The following SLC37A1 variants were observed in gnomAD, a reference collection of about 807,000 sequenced individuals.
SLC37A1 encodes the protein solute carrier family 37 member 1.
Under a neutral mutation model 75.3 loss-of-function variants are expected in SLC37A1, and 49 were observed. The ratio of observed to expected loss-of-function variants is 0.65; its 90% CI spans 0.52 to 0.83. The LOEUF is 0.83. Ranked by LOEUF, SLC37A1 falls within the 40% of genes least tolerant of loss-of-function variation. The pLI is 0.00. For missense variants in SLC37A1, 566 were observed against 695.0 expected (o/e 0.81, Z 2.09); for synonymous variants, 268 against 292.1 (o/e 0.92, Z 0.84).
chr21:42,527,986 A>G (rs914774266), intron 3 of SLC37A1, among the ~76,000 whole-genome samples: 2 of 152,212 alleles, frequency 1.3e-5, no homozygotes, highest in Non-Finnish European at 1.5e-5. Context: ...TTGACCCACA[A>G]AACAGTTGAG....
At chr21:42,540,391 A>G (rs1026392056) in intron 6 of SLC37A1, among the ~76,000 whole-genome samples, 1 of 152,142 alleles carries the variant, frequency 6.6e-6, no homozygotes, top group African/African-American at 2.4e-5. Context: ...TACAAAGGAA[A>G]ACCTGCAGCT....
At chr21:42,579,255 C>T (rs2056367567) in intron 18 of SLC37A1, among the ~76,000 whole-genome samples, 1 of 152,218 alleles carries the variant, frequency 6.6e-6, no homozygotes, top group African/African-American at 2.4e-5. Flanking sequence ...TGTCCTGTGA[C>T]AGCCTCTTCA....
At position 42,545,741 on chromosome 21, in the gene SLC37A1, C is replaced by T. The variant is rs1260356188; in HGVS notation, c.731-1362C>T. 6.6e-6 allele frequency among the ~76,000 whole-genome samples: 1 copy of T among 152,234 alleles called. No individual in the cohort carries two copies. Among genetic ancestry groups the T allele is most frequent in the East Asian group, 1.9e-4 (1 of 5,194 alleles). Reference sequence around the variant, plus strand: ...AGTGGATACCGATGGGGTGAGTTGGCTGATGTCCTTTAAATTGGTGACCAT... The same window carrying T: ...AGTGGATACCGATGGGGTGAGTTGGTTGATGTCCTTTAAATTGGTGACCAT... On this transcript the variant is annotated intron_variant, in intron 8 of 19. Transcript: ENST00000352133. This position sits in a 1 kb window ranked among gnomAD's most constrained non-coding sequence, Gnocchi z 4.0.
upstream of SLC37A1, among the ~76,000 whole-genome samples, chr21:42,512,931 G>A (rs961743501): frequency 3.9e-5 from 6 of 152,262 alleles, no homozygotes; most frequent in Admixed American, 3.9e-4. Flanking sequence ...TCTCCAGAGG[G>A]AAGCTCAACG....
At chr21:42,504,536 G>C (rs1490008428) in intron 2 of SLC37A1, among the ~76,000 whole-genome samples, 1 of 152,074 alleles carries the variant, frequency 6.6e-6, no homozygotes. Context: ...TTACAATGTA[G>C]TAGAAAAAGT....
intron 16 of SLC37A1, among the ~76,000 whole-genome samples, chr21:42,567,296 G>A (rs1221414089): frequency 6.6e-6 from 1 of 152,232 alleles, no homozygotes; most frequent in Non-Finnish European, 1.5e-5. Flanking sequence ...GCTCTTGGGC[G>A]CCATCCTCAT....
chr21:42,533,272 C>T (rs1346668331), intron 3 of SLC37A1, among the ~76,000 whole-genome samples: 1 of 152,110 alleles, frequency 6.6e-6, no homozygotes, highest in African/African-American at 2.4e-5. Flanking sequence ...AATGGGCACT[C>T]GATCCCCCTA....
chr21:42,573,213 G>A (rs547538318), intron 17 of SLC37A1, among the ~76,000 whole-genome samples: 2 of 152,352 alleles, frequency 1.3e-5, no homozygotes, highest in South Asian at 4.1e-4. Context: ...GATGAGAAAA[G>A]AGACCTGGGA....
chr21:42,504,222 C>T (rs1354154491), intron 2 of SLC37A1, among the ~76,000 whole-genome samples: 2 of 152,044 alleles, frequency 1.3e-5, no homozygotes, highest in African/African-American at 4.8e-5. Flanking sequence ...AGAAGGGCAC[C>T]AGGCTTTAGG....
chr21:42,543,592 C>A lies in SLC37A1; in HGVS notation c.720C>A (p.Phe240Leu), dbSNP rs749797865. 1.9e-6 allele frequency: 3 copies of A among 1,601,896 alleles called. No individual in the cohort carries two copies. In the South Asian group the frequency reaches 3.3e-5, roughly 18 times the overall value. Residue 240 changes from phenylalanine (F) to leucine (L), a missense_variant, in exon 8 of 20, where the codon TTC becomes TTA. By Grantham distance (22) the Phe-to-Leu change is conservative. Coordinates refer to ENST00000352133, the MANE Select transcript of SLC37A1 (RefSeq NM_001320537.2). ...VAAMGIVCFLFLIEHPNDVRC... is the reference protein window; with the variant it reads ...VAAMGIVCFLLLIEHPNDVRC... The stretch of plus-strand genomic sequence containing the variant: ...CCATGGGGATAGTGTGCTTTCTCTT[C>A]CTCATTGAACGTAAGTGCACGTGGC...
At position 42,570,139 on chromosome 21, in the gene SLC37A1, C is replaced by T. The variant is rs1048736622; in HGVS notation, c.1423+1701C>T. ...AGGGTGGCTGTTGCCATGTGACACACGGCCTGGTTCTGAGAAGCGGCGGGC... is the reference window on the plus strand; with the variant it reads ...AGGGTGGCTGTTGCCATGTGACACATGGCCTGGTTCTGAGAAGCGGCGGGC... On this transcript the variant is annotated intron_variant, in intron 17 of 19. Coordinates refer to ENST00000352133, the MANE Select transcript of SLC37A1 (RefSeq NM_001320537.2). Among the ~76,000 whole-genome samples, 482 of 97,588 alleles carry T rather than the reference C, an allele frequency of 4.9e-3. 49 individuals carry two copies. Among genetic ancestry groups the T allele is most frequent in the Non-Finnish European group, 6.4e-3 (276 of 43,352 alleles). 64.0% of individuals were successfully genotyped at this position (97,588 alleles called of 152,430 possible). A position where few individuals can be genotyped will look rare whatever the true frequency, so the allele number is the denominator to read the frequency against.
At chr21:42,571,660 G>T (rs2056168973) in intron 17 of SLC37A1, among the ~76,000 whole-genome samples, 1 of 152,008 alleles carries the variant, frequency 6.6e-6, no homozygotes, top group East Asian at 1.9e-4. Flanking sequence ...AGGGGACCTG[G>T]CTCCCTTCCA....
chr21:42,574,785 C>A, intron 17 of SLC37A1, 33 bp from the exon 18 acceptor site: 1 of 1,610,422 alleles, frequency 6.2e-7, no homozygotes, highest in South Asian at 1.1e-5. Flanking sequence ...TTTCTCTAAA[C>A]AGCACCATGT....
chr21:42,570,039 A>G (rs113068076), intron 17 of SLC37A1, among the ~76,000 whole-genome samples: 2,358 of 54,988 alleles, frequency 0.043, 5 homozygotes, highest in African/African-American at 0.14. Context: ...ACACGGCCTG[A>G]TTCTGAGAAG....
intron 12 of SLC37A1, 29 bp from the exon 13 acceptor site, chr21:42,563,786 T>A (rs754433482): frequency 2.5e-6 from 4 of 1,612,246 alleles, no homozygotes; most frequent in Middle Eastern, 1.7e-4. Context: ...AGATCCTCAC[T>A]GTTTCACACT....
chr21:42,562,859 C>G (rs2055868690), intron 12 of SLC37A1, among the ~76,000 whole-genome samples: 1 of 152,136 alleles, frequency 6.6e-6, no homozygotes, highest in Non-Finnish European at 1.5e-5. Context: ...AAGACACACG[C>G]TGGGCCGTCA....
At chr21:42,578,258 G>T (rs138932763) in intron 18 of SLC37A1, among the ~76,000 whole-genome samples, 1 of 152,206 alleles carries the variant, frequency 6.6e-6, no homozygotes, top group East Asian at 1.9e-4. Context: ...TCTCCAGTGC[G>T]TGTCGCCTGG....
rs3788019 is a variant in SLC37A1, at chr21:42,521,346, A to G, written c.56+2836A>G. 3.9e-5 allele frequency among the ~76,000 whole-genome samples: 6 copies of G among 152,366 alleles called. No homozygotes were observed. The East Asian group carries it at 1.2e-3, about 29-fold the overall frequency. On this transcript the variant is annotated intron_variant, in intron 2 of 19. Coordinates refer to ENST00000352133, the MANE Select transcript of SLC37A1 (RefSeq NM_001320537.2). ...GAAAACATAGACAGAATTACAAAAT[A>G]AAAAAGGATTTTGGGAGGGCTGTTT...
At chr21:42,519,301 A>G (rs2054588971) in intron 2 of SLC37A1, among the ~76,000 whole-genome samples, 2 of 152,146 alleles carry the variant, frequency 1.3e-5, no homozygotes, top group Admixed American at 1.3e-4. Flanking sequence ...AGTGAGAGAA[A>G]GGTACCTGTG....
Sources: gnomAD v4.1 joint callset for allele counts (sites outside exome capture counted in the v4.1 genomes callset) on GRCh38, gnomAD v4.1.1 for gene constraint, Gnocchi (gnomAD v3.1) non-coding constraint, MANE v1.5 for transcripts, NCBI Gene and HGNC (gene_info 2026-07-23, HGNC 2026-07-21) for gene names.